RYR2: variants seen among roughly 807,000 people sequenced by gnomAD.
The protein encoded by RYR2 is ryanodine receptor 2.
RYR2 carries 227 observed loss-of-function variants against 601.1 expected under a neutral mutation model. The ratio of observed to expected loss-of-function variants is 0.38; its 90% CI spans 0.34 to 0.42. The LOEUF (loss-of-function observed/expected upper bound fraction) is 0.42. Ranked by LOEUF, RYR2 falls within the 10% of genes least tolerant of loss-of-function variation. The pLI is 1.00. For missense variants in RYR2, 4,646 were observed against 6,156.5 expected (o/e 0.75, Z 8.21); for synonymous variants, 2,223 against 2,175.1 (o/e 1.02, Z -0.61).
At chr1:237,705,487 T>G (rs935335454) in intron 67 of RYR2, 144 bp downstream of exon 67, 1 of 682,994 alleles carries the variant, frequency 1.5e-6, no homozygotes, top group African/African-American at 1.8e-5. Context: ...TTTGGTATTC[T>G]ATGTGATGTA....
At chr1:237,478,158 G>A (rs1397377528) in intron 17 of RYR2, among the ~76,000 whole-genome samples, 2 of 152,174 alleles carry the variant, frequency 1.3e-5, no homozygotes, top group East Asian at 3.9e-4. Context: ...TGACTCATCA[G>A]AAATGGCAGC....
At chr1:237,122,927 C>A (rs1670975248) in intron 1 of RYR2, among the ~76,000 whole-genome samples, 3 of 152,054 alleles carry the variant, frequency 2.0e-5, no homozygotes, top group Admixed American at 1.3e-4. Context: ...TATATAAGGG[C>A]TACAATAAAA....
At chr1:237,666,824 C>T (rs1684365044) in intron 57 of RYR2, among the ~76,000 whole-genome samples, 4 of 151,880 alleles carry the variant, frequency 2.6e-5, no homozygotes, top group South Asian at 4.2e-4. Context: ...GCAGGAGAAT[C>T]GCTTGGACCT....
chr1:237,262,985 T>C (rs73123372), intron 1 of RYR2, among the ~76,000 whole-genome samples: 5,357 of 152,270 alleles, frequency 0.035, 289 homozygotes, highest in African/African-American at 0.12. Flanking sequence ...GTTTAGATTA[T>C]GTACACAAAG....
chr1:237,631,756 G>A (rs1315629886), intron 42 of RYR2, among the ~76,000 whole-genome samples: 2 of 150,638 alleles, frequency 1.3e-5, no homozygotes, highest in South Asian at 2.1e-4. Flanking sequence ...GCCTCCCGAG[G>A]AGCTGGGATT....
chr1:237,156,827 C>A (rs1397266341), intron 1 of RYR2, among the ~76,000 whole-genome samples: 1 of 152,084 alleles, frequency 6.6e-6, no homozygotes, highest in Non-Finnish European at 1.5e-5. Flanking sequence ...TTGATTTCAT[C>A]CTGTATTAAA....
intron 5 of RYR2, among the ~76,000 whole-genome samples, chr1:237,368,068 G>A (rs1404948931): frequency 1.3e-5 from 2 of 152,066 alleles, no homozygotes; most frequent in African/African-American, 4.8e-5. Flanking sequence ...GTAGCTTTGA[G>A]GAAACTGGAT....
chr1:237,557,838 G>A lies in RYR2; in HGVS notation c.3214+7147G>A, dbSNP rs1671060995. ...ACTGGTTGGGAACACAGGAATTGGAGCAGATGGACATGGGGTAGTGGGAAG... is the reference window on the plus strand; with the variant it reads ...ACTGGTTGGGAACACAGGAATTGGAACAGATGGACATGGGGTAGTGGGAAG... On this transcript the variant is annotated intron_variant, in intron 27 of 104. Coordinates refer to ENST00000366574, the MANE Select transcript of RYR2 (RefSeq NM_001035.3). Among the ~76,000 whole-genome samples, 4 of 152,146 alleles carry A rather than the reference G, an allele frequency of 2.6e-5. No individual in the cohort carries two copies. In the South Asian group the frequency reaches 8.3e-4, roughly 32 times the overall value.
At position 237,602,301 on chromosome 1, in the gene RYR2, T is replaced by A. The variant is rs791542; in HGVS notation, c.4683+190T>A. Among the ~76,000 whole-genome samples the A allele has an allele frequency of 0.024, 3,727 of 152,202 alleles. 63 individuals are homozygous for A. The highest frequency in any genetic ancestry group is 0.036 in the Non-Finnish European group (2,462 of 68,020). ...TAACAAAATAATTAAAAAGTGTTTC[T>A]CTTTAGTTATCATATGTATATTATT... On this transcript the variant is annotated intron_variant, in intron 35 of 104. Transcript: ENST00000366574.
At chr1:237,574,610 A>G (rs1032932526) in intron 29 of RYR2, among the ~76,000 whole-genome samples, 2 of 152,180 alleles carry the variant, frequency 1.3e-5, no homozygotes, top group African/African-American at 4.8e-5. Context: ...AAAATATGAG[A>G]TAAATTTTCC....
intron 33 of RYR2, 36 bp downstream of exon 33, chr1:237,593,672 T>TG (rs775118276): frequency 2.5e-6 from 4 of 1,606,764 alleles, no homozygotes; most frequent in Non-Finnish European, 8.5e-7. Context: ...GAATGACATG[T>TG]GAAAAAAATA....
In RYR2 at chr1:237,328,515, G is replaced by A. The variant is rs1186250017; in HGVS notation, c.169-2363G>A. On this transcript the variant is annotated intron_variant, in intron 2 of 104. Coordinates refer to ENST00000366574, the MANE Select transcript of RYR2 (RefSeq NM_001035.3). The stretch of plus-strand genomic sequence containing the variant: ...AGAGGACTCTTTGCTGGCTGAAATT[G>A]TCTGAGCAGGAATGGAAAGTGATTG... Among the ~76,000 whole-genome samples, 6 of 151,996 alleles carry A rather than the reference G, an allele frequency of 3.9e-5. No individual in the cohort carries two copies. The South Asian group carries it at 1.0e-3, about 26-fold the overall frequency.
chr1:237,369,159 G>A (rs868630990), intron 5 of RYR2, among the ~76,000 whole-genome samples: 20 of 152,036 alleles, frequency 1.3e-4, no homozygotes, highest in African/African-American at 4.1e-4. Flanking sequence ...TGTATGTTCC[G>A]CATGCAGGTA....
chr1:237,436,453 C>CATTTTTTTTTTTTTTTTTTTTTTTTT (rs1491092540), intron 12 of RYR2, among the ~76,000 whole-genome samples: 20 of 55,828 alleles, frequency 3.6e-4, no homozygotes, highest in Non-Finnish European at 5.6e-4. Context: ...GTGTGATTTT[C>CATTTTTTTTTTTTTTTTTTTTTTTTT]CTTTTTTTTT....
At chr1:237,469,471 G>A (rs1660472797) in intron 17 of RYR2, among the ~76,000 whole-genome samples, 2 of 151,962 alleles carry the variant, frequency 1.3e-5, no homozygotes, top group African/African-American at 2.4e-5. Context: ...TGTAATATAA[G>A]TGTTTTCCTT....
intron 101 of RYR2, among the ~76,000 whole-genome samples, chr1:237,823,928 G>C (rs928248387): frequency 1.3e-5 from 2 of 152,164 alleles, no homozygotes; most frequent in South Asian, 2.1e-4. Context: ...AGAAAATCTA[G>C]AAGAAATGGA....
intron 27 of RYR2, among the ~76,000 whole-genome samples, chr1:237,563,611 A>G (rs1309454685): frequency 6.6e-6 from 1 of 151,956 alleles, no homozygotes; most frequent in Non-Finnish European, 1.5e-5. Flanking sequence ...GGACTCAGAA[A>G]CTCTGCATTG....
chr1:237,382,433 T>TTATACA (rs1701598037), intron 8 of RYR2, among the ~76,000 whole-genome samples: 1 of 152,182 alleles, frequency 6.6e-6, no homozygotes, highest in Non-Finnish European at 1.5e-5. Flanking sequence ...ACGTGCAGGA[T>TTATACA]TGTTACATAT....
At chr1:237,603,292 G>A (rs1244194747) in intron 35 of RYR2, among the ~76,000 whole-genome samples, 2 of 152,194 alleles carry the variant, frequency 1.3e-5, no homozygotes, top group Non-Finnish European at 2.9e-5. Context: ...CTGGCACGGT[G>A]AAGAGCCATG....
Sources: allele counts gnomAD v4.1 joint callset (sites outside exome capture counted in the v4.1 genomes callset), GRCh38; gene constraint gnomAD v4.1.1; transcripts MANE v1.5; gene names NCBI Gene and HGNC (gene_info 2026-07-23, HGNC 2026-07-21).